The following ACSL3 variants were observed in gnomAD, a reference collection of about 807,000 sequenced individuals.
The protein encoded by ACSL3 is acyl-CoA synthetase long chain family member 3.
ACSL3 carries 34 observed loss-of-function variants against 84.7 expected under a neutral mutation model. The ratio of observed to expected loss-of-function variants is 0.40; its 90% CI spans 0.31 to 0.53. The LOEUF (loss-of-function observed/expected upper bound fraction) is 0.53. ACSL3 is among the 20% of genes least tolerant of loss of function. The pLI is 0.48. For missense variants in ACSL3, 680 were observed against 873.1 expected, an observed-to-expected ratio of 0.78 and a Z score of 2.79; for synonymous variants, 315 against 299.4, an observed-to-expected ratio of 1.05 and a Z score of -0.54.
chr2:222,919,340 T>C, intron 7 of ACSL3, 138 bp downstream of exon 7: 6 of 866,082 alleles, frequency 6.9e-6, no homozygotes, highest in Non-Finnish European at 1.0e-5. Flanking sequence ...CAGGTCCCTC[T>C]AGGTATACTT....
At chr2:222,877,256 A>G (rs538494533) in intron 1 of ACSL3, among the ~76,000 whole-genome samples, 1 of 152,302 alleles carries the variant, frequency 6.6e-6, no homozygotes, top group African/African-American at 2.4e-5. Flanking sequence ...GGTTAAGAGT[A>G]GTTTTGGAGT....
At chr2:222,878,297 G>C (rs1695504258) in intron 1 of ACSL3, among the ~76,000 whole-genome samples, 1 of 152,192 alleles carries the variant, frequency 6.6e-6, no homozygotes, top group South Asian at 2.1e-4. Context: ...TAGCTTTTCT[G>C]TTGGTAAATA....
intron 16 of ACSL3, among the ~76,000 whole-genome samples, chr2:222,935,234 C>T (rs995734688): frequency 1.3e-5 from 2 of 151,894 alleles, no homozygotes; most frequent in African/African-American, 4.8e-5. Flanking sequence ...TTCTGTTGCC[C>T]GAACCAGAAT....
At chr2:222,904,225 C>T (rs1036373164) in intron 3 of ACSL3, among the ~76,000 whole-genome samples, 2 of 151,884 alleles carry the variant, frequency 1.3e-5, no homozygotes, top group African/African-American at 2.4e-5. Flanking sequence ...GAGCCGAGAT[C>T]GCACCATTGC....
intron 2 of ACSL3, among the ~76,000 whole-genome samples, chr2:222,898,271 C>G (rs536664193): frequency 6.6e-6 from 1 of 151,980 alleles, no homozygotes; most frequent in Admixed American, 6.6e-5. Context: ...AGTTGTGTTT[C>G]GTCATACAGA....
intron 4 of ACSL3, among the ~76,000 whole-genome samples, chr2:222,915,202 C>G (rs895205155): frequency 3.3e-5 from 5 of 152,194 alleles, no homozygotes; most frequent in African/African-American, 1.2e-4. Context: ...GTCATTGGAG[C>G]TCCCTGTGCT....
chr2:222,871,059 C>T (rs1279329260), intron 1 of ACSL3, among the ~76,000 whole-genome samples: 1 of 152,008 alleles, frequency 6.6e-6, no homozygotes, highest in Non-Finnish European at 1.5e-5. Context: ...GAGTAAGGAC[C>T]TGAACTGATA....
In ACSL3 at chr2:222,944,123, AG is replaced by A. The variant is rs1697397408; in HGVS notation, c.*2470del. The A allele has an allele frequency of 6.6e-6, 1 of 152,138 alleles. No homozygotes were observed. Among genetic ancestry groups the A allele is most frequent in the African/African-American group, 2.4e-5 (1 of 41,438 alleles). The allele number at this position is 152,138 out of a possible 1,614,324, so 9.4% of individuals were successfully genotyped here. A position where few individuals can be genotyped will look rare whatever the true frequency, so the allele number is the denominator to read the frequency against. On this transcript the variant is annotated 3_prime_UTR_variant, in exon 17 of 17. Transcript: ENST00000357430. ...TTCATGAAAAAGTTTTTGCTGACAC[AG>A]AACAAACCTGAAAGTAGTATCTACT...
intron 1 of ACSL3, among the ~76,000 whole-genome samples, chr2:222,878,739 C>T (rs979412038): frequency 6.6e-6 from 1 of 151,830 alleles, no homozygotes; most frequent in Non-Finnish European, 1.5e-5. Context: ...TTTATGCGCT[C>T]ATATTTGTGT....
chr2:222,935,160 G>A (rs1430973810), intron 16 of ACSL3, among the ~76,000 whole-genome samples: 3 of 152,100 alleles, frequency 2.0e-5, no homozygotes, highest in African/African-American at 7.2e-5. Context: ...GAGTTGTTGT[G>A]TCAAGCATAA....
intron 2 of ACSL3, among the ~76,000 whole-genome samples, chr2:222,893,288 G>A (rs1318899875): frequency 6.6e-6 from 1 of 152,172 alleles, no homozygotes; most frequent in Admixed American, 6.5e-5. Context: ...TGCAAGTTGA[G>A]TTTTCAGATT....
At chr2:222,926,916 A>G (rs1179850810) in intron 11 of ACSL3, 101 bp from the exon 12 acceptor site, 1 of 1,295,176 alleles carries the variant, frequency 7.7e-7, no homozygotes, top group African/African-American at 1.5e-5. Context: ...AAGTAACTTA[A>G]TCTCAAAATC....
At chr2:222,861,875 G>A (rs1248205791) in intron 1 of ACSL3, 1 of 152,156 alleles carries the variant, frequency 6.6e-6, no homozygotes, top group Non-Finnish European at 1.5e-5. Context: ...ATCATATACT[G>A]TTGATAGGTT....
At chr2:222,939,578 C>T (rs934748084) in intron 16 of ACSL3, among the ~76,000 whole-genome samples, 1 of 152,270 alleles carries the variant, frequency 6.6e-6, no homozygotes, top group Non-Finnish European at 1.5e-5. Context: ...GTTTCTTGCA[C>T]CCCAGAAGTC....
At chr2:222,879,281 A>G (rs377251950) in intron 1 of ACSL3, among the ~76,000 whole-genome samples, 2 of 152,170 alleles carry the variant, frequency 1.3e-5, no homozygotes, top group African/African-American at 2.4e-5. Flanking sequence ...TGGTGCCACT[A>G]TACTCCAGCC....
At chr2:222,940,970 A>G (rs758024674) in intron 16 of ACSL3, among the ~76,000 whole-genome samples, 3 of 151,968 alleles carry the variant, frequency 2.0e-5, no homozygotes, top group Non-Finnish European at 4.4e-5. Context: ...GCACGATCAT[A>G]GCTCACTGCA....
rs76422673 is a variant in ACSL3, at chr2:222,871,740, G to A, written c.-207+10482G>A. Among the ~76,000 whole-genome samples the A allele has an allele frequency of 1.8e-4, 28 of 152,298 alleles. No individual in the cohort carries two copies. In the East Asian group the frequency reaches 5.4e-3, roughly 29 times the overall value. On this transcript the variant is annotated intron_variant, in intron 1 of 16. Coordinates refer to ENST00000357430, the MANE Select transcript of ACSL3 (RefSeq NM_004457.5). ...TTCAGGGGACAAGAGAAGACACAAG[G>A]GAGTTGGTGGCCAAGATGGAGTGGG... is the stretch of plus-strand genomic sequence containing the variant.
intron 1 of ACSL3, among the ~76,000 whole-genome samples, chr2:222,885,326 TC>T (rs1439965682): frequency 6.6e-6 from 1 of 152,214 alleles, no homozygotes; most frequent in South Asian, 2.1e-4. Context: ...TGGCTGTACT[TC>T]CGTAAGAGTG....
At chr2:222,903,942 TAA>T (rs11315051) in intron 3 of ACSL3, among the ~76,000 whole-genome samples, 35 of 150,802 alleles carry the variant, frequency 2.3e-4, no homozygotes, top group African/African-American at 2.9e-4. Context: ...CCTGAATAGT[TAA>T]AAAAAAAAAG....
Sources: allele counts gnomAD v4.1 joint callset (sites outside exome capture counted in the v4.1 genomes callset), GRCh38; gene constraint gnomAD v4.1.1; transcripts MANE v1.5; gene names NCBI Gene and HGNC (gene_info 2026-07-23, HGNC 2026-07-21).